Variants in MYO1E observed in about 807,000 individuals in gnomAD.
The protein encoded by MYO1E is myosin IE.
Under a neutral mutation model 151.1 loss-of-function variants are expected in MYO1E, and 68 were observed. That is an observed-to-expected ratio of 0.45 (90% confidence interval 0.37 to 0.55). The LOEUF (loss-of-function observed/expected upper bound fraction) is 0.55. Among genes scored for constraint, MYO1E ranks in the 20% least tolerant of loss-of-function variants. MYO1E has a pLI of 0.00. For synonymous variants in MYO1E, 601 were observed against 501.7 expected (o/e 1.20, Z -2.64); for missense variants, 1,363 against 1,389.3 (o/e 0.98, Z 0.30).
chr15:59,254,781 G>C (rs1596386747), intron 4 of MYO1E, among the ~76,000 whole-genome samples: 1 of 152,072 alleles, frequency 6.6e-6, no homozygotes, highest in Non-Finnish European at 1.5e-5. Flanking sequence ...TGAGAATATG[G>C]ATGCTTATAC....
intron 22 of MYO1E, among the ~76,000 whole-genome samples, chr15:59,168,143 A>G (rs1293009586): frequency 1.3e-5 from 2 of 152,184 alleles, no homozygotes; most frequent in Admixed American, 6.5e-5. Flanking sequence ...ACCGTAACTC[A>G]ACTAGACATA....
intron 26 of MYO1E, among the ~76,000 whole-genome samples, chr15:59,142,223 T>C (rs752335553): frequency 6.6e-6 from 1 of 152,222 alleles, no homozygotes; most frequent in Non-Finnish European, 1.5e-5. Flanking sequence ...GTGGAACCCA[T>C]GGGCACAGCG....
At chr15:59,294,077 T>C (rs2080435394) in intron 1 of MYO1E, among the ~76,000 whole-genome samples, 1 of 152,170 alleles carries the variant, frequency 6.6e-6, no homozygotes, top group Non-Finnish European at 1.5e-5. Flanking sequence ...CCCTGACATA[T>C]ATACAGAACT....
At chr15:59,200,729 A>G (rs1397226243) in intron 16 of MYO1E, among the ~76,000 whole-genome samples, 1 of 152,256 alleles carries the variant, frequency 6.6e-6, no homozygotes, top group African/African-American at 2.4e-5. Flanking sequence ...TGTGTTCAGT[A>G]TGCCTCAGGC....
At chr15:59,268,385 G>A (rs191014458) in intron 2 of MYO1E, among the ~76,000 whole-genome samples, 1 of 152,072 alleles carries the variant, frequency 6.6e-6, no homozygotes, top group Non-Finnish European at 1.5e-5. Context: ...CATTTCCTTG[G>A]TAGAACACAC....
Position 59,339,891 on chromosome 15 carries a change from A to G in MYO1E, c.3+32607T>C, listed in dbSNP as rs566082406. On this transcript the variant is annotated intron_variant, in intron 1 of 27. Coordinates refer to ENST00000288235, the MANE Select transcript of MYO1E (RefSeq NM_004998.4). The stretch of plus-strand genomic sequence containing the variant: ...TTGACAGAGTCTTGCTCTGTCGCCT[A>G]GCCTGGAATGCGGTGGCACAATCCC... Among the ~76,000 whole-genome samples the G allele has an allele frequency of 2.0e-5, 3 of 146,394 alleles. No homozygotes were observed. The East Asian group carries it at 6.1e-4, about 30-fold the overall frequency.
intron 26 of MYO1E, among the ~76,000 whole-genome samples, chr15:59,141,464 A>G (rs540207973): frequency 2.6e-5 from 4 of 152,340 alleles, no homozygotes; most frequent in African/African-American, 9.6e-5. Context: ...TTGTTATACT[A>G]TATTGTTTAG....
At chr15:59,225,614 G>A (rs1003170096) in intron 7 of MYO1E, among the ~76,000 whole-genome samples, 17 of 150,958 alleles carry the variant, frequency 1.1e-4, no homozygotes, top group African/African-American at 3.4e-4. Flanking sequence ...CAAGTATTTC[G>A]TAGCTTCAAG....
intron 17 of MYO1E, among the ~76,000 whole-genome samples, chr15:59,193,346 G>T (rs556503442): frequency 6.6e-6 from 1 of 152,178 alleles, no homozygotes; most frequent in Non-Finnish European, 1.5e-5. Flanking sequence ...CTAACAGCTG[G>T]GCTGGAGTGC....
At chr15:59,317,570 G>A (rs952541381) in intron 1 of MYO1E, among the ~76,000 whole-genome samples, 1 of 152,178 alleles carries the variant, frequency 6.6e-6, no homozygotes, top group Non-Finnish European at 1.5e-5. Context: ...TATACAAACT[G>A]TTATCAGAGG....
In MYO1E at chr15:59,268,547, G is replaced by C. The variant is rs544024987; in HGVS notation, c.147+3759C>G. Among the ~76,000 whole-genome samples, 234 of 152,036 alleles carry C rather than the reference G, an allele frequency of 1.5e-3. 1 individual carries two copies. The highest frequency in any genetic ancestry group is 2.3e-3 in the Non-Finnish European group (157 of 67,976). On this transcript the variant is annotated intron_variant, in intron 2 of 27. Coordinates refer to ENST00000288235, the MANE Select transcript of MYO1E (RefSeq NM_004998.4). ...ATGAATACTTAATACAATGCACCAT[G>C]CCAAAAATTATGCAGAAAACCAAGA...
At chr15:59,163,996 T>A (rs3794500) in intron 22 of MYO1E, among the ~76,000 whole-genome samples, 65,847 of 152,066 alleles carry the variant, frequency 0.43, 17,628 homozygotes, top group Non-Finnish European at 0.62. Flanking sequence ...GGGAACTGCA[T>A]GTTTGGACAG....
At chr15:59,193,619 G>A (rs1370190494) in intron 17 of MYO1E, among the ~76,000 whole-genome samples, 4 of 152,174 alleles carry the variant, frequency 2.6e-5, no homozygotes, top group Non-Finnish European at 2.9e-5. Context: ...AGAGAAACAC[G>A]ACGGTCACCT....
At position 59,363,397 on chromosome 15, in the gene MYO1E, C is replaced by T. The variant is rs554028601; in HGVS notation, c.3+9101G>A. On this transcript the variant is annotated intron_variant, in intron 1 of 27. Transcript: ENST00000288235. ...ACTACTACTCATAACAGACAATGTT[C>T]TTAAGTCTAAATTATCCCCTCTGGT... is the stretch of plus-strand genomic sequence containing the variant. 5.3e-5 allele frequency among the ~76,000 whole-genome samples: 8 copies of T among 152,288 alleles called. No individual in the cohort carries two copies. The South Asian group carries it at 8.3e-4, about 16-fold the overall frequency.
chr15:59,226,727 A>G (rs2079993937), intron 7 of MYO1E, among the ~76,000 whole-genome samples: 1 of 152,214 alleles, frequency 6.6e-6, no homozygotes, highest in Admixed American at 6.5e-5. Flanking sequence ...GGATCATTTG[A>G]GCCCAGGATG....
chr15:59,263,545 CAT>C (rs2080236425), intron 2 of MYO1E, among the ~76,000 whole-genome samples: 1 of 152,064 alleles, frequency 6.6e-6, no homozygotes, highest in African/African-American at 2.4e-5. Context: ...ATCATATAAT[CAT>C]ATAATTTTTT....
At chr15:59,237,463 C>T (rs2080073595) in intron 4 of MYO1E, among the ~76,000 whole-genome samples, 1 of 152,130 alleles carries the variant, frequency 6.6e-6, no homozygotes, top group Admixed American at 6.5e-5. Context: ...TACAAAATCC[C>T]CCTGAATTGA....
Position 59,328,317 on chromosome 15 carries a change from T to C in MYO1E, c.3+44181A>G, listed in dbSNP as rs191828235. On this transcript the variant is annotated intron_variant, in intron 1 of 27. Transcript: ENST00000288235. ...AGAGTGTGGACCAGAAGAGAGATTC[T>C]GCAGGAGGAAAGAGAACTTGATCCA... is the stretch of plus-strand genomic sequence containing the variant. Among the ~76,000 whole-genome samples the C allele has an allele frequency of 5.9e-5, 9 of 152,266 alleles. No homozygotes were observed. The East Asian group carries it at 1.7e-3, about 29-fold the overall frequency.
chr15:59,226,351 C>T (rs76322712), intron 7 of MYO1E, among the ~76,000 whole-genome samples: 2 of 152,102 alleles, frequency 1.3e-5, no homozygotes, highest in Admixed American at 6.5e-5. Context: ...AAACTAAACA[C>T]GAAATGAAAC....
Sources: gnomAD v4.1 joint callset for allele counts (sites outside exome capture counted in the v4.1 genomes callset) on GRCh38, gnomAD v4.1.1 for gene constraint, MANE v1.5 for transcripts, NCBI Gene and HGNC (gene_info 2026-07-23, HGNC 2026-07-21) for gene names.